KHDRBS2: variants seen among roughly 807,000 people sequenced by gnomAD.
KHDRBS2 encodes KH domain-containing, RNA-binding, signal transduction-associated protein 2.
Under a neutral mutation model 44.3 loss-of-function variants are expected in KHDRBS2, and 26 were observed. That is an observed-to-expected ratio of 0.59 (90% CI 0.43 to 0.81). KHDRBS2 has a LOEUF of 0.81. Ranked by LOEUF, KHDRBS2 falls within the 40% of genes least tolerant of loss-of-function variation. KHDRBS2 has a pLI of 0.00. For synonymous variants in KHDRBS2, 194 were observed against 151.1 expected, an observed-to-expected ratio of 1.28 and a Z score of -2.08; for missense variants, 476 against 433.1, an observed-to-expected ratio of 1.10 and a Z score of -0.88.
At chr6:62,151,873 C>T (rs1206591392) in intron 2 of KHDRBS2, among the ~76,000 whole-genome samples, 1 of 152,202 alleles carries the variant, frequency 6.6e-6, no homozygotes, top group African/African-American at 2.4e-5. Flanking sequence ...CGGGTAACAT[C>T]TGCCCATCTA....
intron 4 of KHDRBS2, among the ~76,000 whole-genome samples, chr6:61,961,341 A>C (rs773262615): frequency 9.9e-5 from 15 of 151,772 alleles, no homozygotes; most frequent in Non-Finnish European, 1.8e-4. Flanking sequence ...GCTTCTTGTA[A>C]GGTGGTTTAG....
At chr6:61,657,552 A>G in the KHDRBS2 span, among the ~76,000 whole-genome samples, 6 of 152,102 alleles carry the variant, frequency 3.9e-5, no homozygotes, top group Admixed American at 2.6e-4. Flanking sequence ...TTAAAGCTCC[A>G]TTAACACCCC....
chr6:62,240,362 C>T (rs968278058), intron 1 of KHDRBS2, among the ~76,000 whole-genome samples: 6 of 151,740 alleles, frequency 4.0e-5, no homozygotes, highest in Admixed American at 1.3e-4. Context: ...CCCAGTCCTA[C>T]CATCAGCCAT....
intron 6 of KHDRBS2, among the ~76,000 whole-genome samples, chr6:61,810,516 A>C (rs1159610352): frequency 6.6e-6 from 1 of 152,128 alleles, no homozygotes; most frequent in Non-Finnish European, 1.5e-5. Flanking sequence ...ATAAATAATA[A>C]ATGCTTTGTT....
intron 6 of KHDRBS2, among the ~76,000 whole-genome samples, chr6:61,774,200 T>C (rs1414590242): frequency 6.6e-6 from 1 of 152,188 alleles, no homozygotes; most frequent in Non-Finnish European, 1.5e-5. Flanking sequence ...GGTAGCTTGA[T>C]GGGGATGGCA....
In KHDRBS2 at chr6:62,209,643, G is replaced by A. The variant is rs1345090917; in HGVS notation, c.92-32331C>T. Among the ~76,000 whole-genome samples the A allele has an allele frequency of 4.6e-5, 7 of 152,242 alleles. No individual in the cohort carries two copies. In the East Asian group the frequency reaches 1.2e-3, roughly 25 times the overall value. On this transcript the variant is annotated intron_variant, in intron 1 of 8. Transcript: ENST00000281156. ...GTGTGTTTATGAAGGTGTTGCCAAGGGAGATTACATTTGAATCAGTGGACT... is the reference window on the plus strand; with the variant it reads ...GTGTGTTTATGAAGGTGTTGCCAAGAGAGATTACATTTGAATCAGTGGACT...
intron 2 of KHDRBS2, among the ~76,000 whole-genome samples, chr6:62,068,721 C>A (rs1794320099): frequency 6.6e-6 from 1 of 151,504 alleles, no homozygotes; most frequent in South Asian, 2.1e-4. Context: ...TGTGACTAAC[C>A]AGTTTTCCCA....
chr6:61,960,692 C>A (rs1768481168), intron 4 of KHDRBS2, among the ~76,000 whole-genome samples: 1 of 152,224 alleles, frequency 6.6e-6, no homozygotes, highest in South Asian at 2.1e-4. Context: ...TTATTCTAAG[C>A]ATTTTAACAA....
At chr6:62,008,430 A>C (rs1263507467) in intron 3 of KHDRBS2, among the ~76,000 whole-genome samples, 5 of 152,222 alleles carry the variant, frequency 3.3e-5, no homozygotes, top group Non-Finnish European at 7.3e-5. Context: ...ATATATGTAC[A>C]TAACTTTTAG....
intron 4 of KHDRBS2, among the ~76,000 whole-genome samples, chr6:61,931,368 C>G (rs965063244): frequency 6.6e-6 from 1 of 151,330 alleles, no homozygotes; most frequent in Admixed American, 6.6e-5. Context: ...ATAGTATTAC[C>G]CAAAAGAAAC....
At chr6:61,835,388 T>G (rs1792485136) in intron 6 of KHDRBS2, among the ~76,000 whole-genome samples, 2 of 152,044 alleles carry the variant, frequency 1.3e-5, no homozygotes, top group South Asian at 4.1e-4. Flanking sequence ...TAATCAGTTG[T>G]GTTGTGTGAT....
At chr6:61,543,158 C>G in the KHDRBS2 span, among the ~76,000 whole-genome samples, 1 of 151,880 alleles carries the variant, frequency 6.6e-6, no homozygotes, top group South Asian at 2.1e-4. Context: ...AGGAAACAGT[C>G]TACAAAATGG....
chr6:62,007,575 A>G (rs1441204921), intron 3 of KHDRBS2, among the ~76,000 whole-genome samples: 2 of 152,160 alleles, frequency 1.3e-5, no homozygotes, highest in Non-Finnish European at 2.9e-5. Flanking sequence ...GTCTTAAAAA[A>G]GTAAGTGAAA....
intron 4 of KHDRBS2, among the ~76,000 whole-genome samples, chr6:61,952,690 AT>A (rs533380026): frequency 1.4e-4 from 21 of 152,208 alleles, no homozygotes; most frequent in African/African-American, 5.1e-4. Flanking sequence ...ATATCATTAC[AT>A]ACTTGAAATA....
chr6:61,856,628 C>T (rs1796195552), intron 6 of KHDRBS2, among the ~76,000 whole-genome samples: 2 of 151,526 alleles, frequency 1.3e-5, no homozygotes, highest in South Asian at 4.2e-4. Context: ...TTTCTTTTGC[C>T]TTTAGGTTTT....
chr6:61,803,308 C>A (rs1786586367), intron 6 of KHDRBS2, among the ~76,000 whole-genome samples: 1 of 152,100 alleles, frequency 6.6e-6, no homozygotes, highest in Non-Finnish European at 1.5e-5. Flanking sequence ...TGATTCCCAG[C>A]ACACTGTTCA....
In KHDRBS2 at chr6:61,699,634, T is replaced by C. The variant is rs1165476526; in HGVS notation, c.894-2381A>G. ...ATTATTATCCCACAAAGCAATTCCA[T>C]AGGTCTCATTATTTTAAGTACTTTT... On this transcript the variant is annotated intron_variant, in intron 7 of 8. Coordinates refer to ENST00000281156, the MANE Select transcript of KHDRBS2 (RefSeq NM_152688.4). Among the ~76,000 whole-genome samples the C allele has an allele frequency of 2.0e-5, 3 of 151,978 alleles. No individual in the cohort carries two copies. In the Admixed American group the frequency reaches 2.0e-4, roughly 10 times the overall value.
chr6:61,960,333 C>T (rs1310858755), intron 4 of KHDRBS2, among the ~76,000 whole-genome samples: 2 of 151,996 alleles, frequency 1.3e-5, no homozygotes, highest in Non-Finnish European at 2.9e-5. Flanking sequence ...TTAAAAAAAT[C>T]ATGAGCCCTG....
intron 2 of KHDRBS2, among the ~76,000 whole-genome samples, chr6:62,072,309 T>G (rs1795321077): frequency 6.6e-6 from 1 of 152,190 alleles, no homozygotes; most frequent in Admixed American, 6.6e-5. Flanking sequence ...TGACTTCCTC[T>G]TTTCTTAATT....
Sources: gnomAD v4.1 joint callset for allele counts (sites outside exome capture counted in the v4.1 genomes callset) on GRCh38, gnomAD v4.1.1 for gene constraint, MANE v1.5 for transcripts, NCBI Gene and HGNC (gene_info 2026-07-23, HGNC 2026-07-21) for gene names.